Variants in SAMMSON observed in about 807,000 individuals in gnomAD.
The protein encoded by SAMMSON is long intergenic non-protein coding RNA 1212.
intron 4 of SAMMSON, among the ~76,000 whole-genome samples, chr3:70,150,324 C>T (rs1444169439): frequency 1.3e-5 from 2 of 152,016 alleles, no homozygotes; most frequent in Non-Finnish European, 2.9e-5. Context: ...TGTGAGTTGC[C>T]AGCACTTTTT....
chr3:70,302,900 G>A (rs970294338), intron 7 of SAMMSON, among the ~76,000 whole-genome samples: 11 of 152,118 alleles, frequency 7.2e-5, no homozygotes, highest in Admixed American at 5.2e-4. Flanking sequence ...CATAGGCTTA[G>A]TTGGAAAGAA....
chr3:70,053,644 A>G (rs866525752), intron 3 of SAMMSON, among the ~76,000 whole-genome samples: 7 of 152,114 alleles, frequency 4.6e-5, no homozygotes, highest in Non-Finnish European at 2.9e-5. Flanking sequence ...GGATGCATAT[A>G]TATTTTGAGG....
intron 3 of SAMMSON, among the ~76,000 whole-genome samples, chr3:70,043,446 A>G (rs996165181): frequency 1.3e-5 from 2 of 152,096 alleles, no homozygotes; most frequent in Non-Finnish European, 1.5e-5. Context: ...AAATACACGT[A>G]CACATATTTT....
intron 7 of SAMMSON, among the ~76,000 whole-genome samples, chr3:70,322,791 A>G (rs1290723652): frequency 1.3e-5 from 2 of 152,148 alleles, no homozygotes; most frequent in Non-Finnish European, 2.9e-5. Context: ...AGATAAAATA[A>G]TTCTTTGAAG....
intron 4 of SAMMSON, among the ~76,000 whole-genome samples, chr3:70,209,640 G>C (rs1218763524): frequency 2.0e-5 from 3 of 152,032 alleles, no homozygotes; most frequent in Non-Finnish European, 2.9e-5. Flanking sequence ...ATCTAGGCCT[G>C]GTAGATTCCA....
intron 4 of SAMMSON, among the ~76,000 whole-genome samples, chr3:70,220,385 G>C (rs1228546941): frequency 6.6e-6 from 1 of 151,998 alleles, no homozygotes; most frequent in Non-Finnish European, 1.5e-5. Context: ...GCTGCAGTGA[G>C]CTATGATGGC....
intron 1 of SAMMSON, among the ~76,000 whole-genome samples, chr3:70,006,393 G>T (rs527769964): frequency 6.6e-6 from 1 of 152,142 alleles, no homozygotes; most frequent in African/African-American, 2.4e-5. Flanking sequence ...CCCTCATGGC[G>T]TTCTGTCCTT....
chr3:70,102,753 A>G (rs948302637), intron 4 of SAMMSON, among the ~76,000 whole-genome samples: 4 of 152,172 alleles, frequency 2.6e-5, no homozygotes, highest in Non-Finnish European at 5.9e-5. Context: ...AATGCGTGCA[A>G]ACTGGGTCTC....
chr3:70,213,014 G>T (rs1701366030), intron 4 of SAMMSON, among the ~76,000 whole-genome samples: 2 of 151,992 alleles, frequency 1.3e-5, no homozygotes, highest in Non-Finnish European at 2.9e-5. Flanking sequence ...TCACCATGCT[G>T]CCTGGGCTGG....
intron 2 of SAMMSON, among the ~76,000 whole-genome samples, chr3:70,410,097 T>G (rs2106768097): frequency 6.6e-6 from 1 of 152,312 alleles, no homozygotes; most frequent in East Asian, 1.9e-4. Flanking sequence ...CTCAGGCTTC[T>G]GAACTGAAAA....
chr3:70,092,691 G>A (rs781068370), intron 4 of SAMMSON, among the ~76,000 whole-genome samples: 2 of 151,942 alleles, frequency 1.3e-5, no homozygotes, highest in Non-Finnish European at 2.9e-5. Flanking sequence ...GCACACAGTC[G>A]GAGCTTAATA....
chr3:70,402,887 GTA>G (rs974533484), intron 2 of SAMMSON, among the ~76,000 whole-genome samples: 1 of 151,442 alleles, frequency 6.6e-6, no homozygotes, highest in Non-Finnish European at 1.5e-5. Context: ...ACATATATAT[GTA>G]TATATATATC....
chr3:70,186,101 G>A (rs2106708324), intron 4 of SAMMSON, among the ~76,000 whole-genome samples: 1 of 152,238 alleles, frequency 6.6e-6, no homozygotes, highest in Admixed American at 6.5e-5. Context: ...TTCAAACACA[G>A]AAAGAGATCC....
At chr3:70,228,322 C>A (rs1022941098) in intron 4 of SAMMSON, among the ~76,000 whole-genome samples, 6 of 151,874 alleles carry the variant, frequency 4.0e-5, no homozygotes, top group East Asian at 1.9e-4. Flanking sequence ...ACCAAAAAAT[C>A]TTTTCTTTAA....
intron 3 of SAMMSON, among the ~76,000 whole-genome samples, chr3:70,032,231 T>G (rs952491067): frequency 1.3e-5 from 2 of 152,162 alleles, no homozygotes; most frequent in African/African-American, 4.8e-5. Context: ...GTATTGAATT[T>G]ATGTCAGAGT....
intron 4 of SAMMSON, among the ~76,000 whole-genome samples, chr3:70,167,755 C>T (rs541694254): frequency 2.0e-5 from 3 of 152,032 alleles, no homozygotes; most frequent in African/African-American, 7.2e-5. Flanking sequence ...TGCATTATGA[C>T]ACCCTAGCTG....
chr3:70,015,324 C>G (rs2066978623), intron 3 of SAMMSON: 1 of 151,924 alleles, frequency 6.6e-6, no homozygotes, highest in Non-Finnish European at 1.5e-5. Flanking sequence ...AAAAAACCAT[C>G]TTGGGACTTC....
At chr3:70,394,498 G>A (rs781624499), downstream of SAMMSON, among the ~76,000 whole-genome samples, 6 of 152,072 alleles carry the variant, frequency 3.9e-5, no homozygotes, top group African/African-American at 9.7e-5. Context: ...AAATCATGAT[G>A]ACACGGCAGT....
chr3:70,150,209 T>G (rs2067566153), intron 4 of SAMMSON, among the ~76,000 whole-genome samples: 1 of 152,120 alleles, frequency 6.6e-6, no homozygotes, highest in Non-Finnish European at 1.5e-5. Context: ...TTCCTCATCA[T>G]TTAAAGCACT....
Sources: allele counts gnomAD v4.1 joint callset (sites outside exome capture counted in the v4.1 genomes callset), GRCh38; gene constraint gnomAD v4.1.1; transcripts MANE v1.5; gene names NCBI Gene and HGNC (gene_info 2026-07-23, HGNC 2026-07-21).